DPY19L3: variants seen among roughly 807,000 people sequenced by gnomAD.
The protein encoded by DPY19L3 is protein C-mannosyl-transferase DPY19L3.
A neutral mutation model predicts 92.3 loss-of-function variants in DPY19L3; 51 were observed. The ratio of observed to expected loss-of-function variants is 0.55; its 90% CI spans 0.44 to 0.70. The LOEUF (loss-of-function observed/expected upper bound fraction) is 0.70, where lower values mean the gene tolerates loss of function less well. Ranked by LOEUF, DPY19L3 falls within the 30% of genes least tolerant of loss-of-function variation. DPY19L3 has a pLI of 0.00. For synonymous variants in DPY19L3, 309 were observed against 315.2 expected (o/e 0.98, Z 0.21); for missense variants, 706 against 855.9 (o/e 0.82, Z 2.18).
chr19:32,468,789 C>A lies in DPY19L3; in HGVS notation c.1673C>A (p.Thr558Lys), dbSNP rs1260828116. The change falls in exon 16 of 19, where the codon ACA (threonine) becomes AAA (lysine). Residue 558 changes from threonine (T) to lysine (K), a missense_variant. Transcript: ENST00000392250. The stretch of plus-strand genomic sequence containing the variant: ...TTGAGAGAATTCTATGATCCAGATA[C>A]AGTGGAGCTGATGAACTGGATTAAG... ...SELREFYDPD[T>K]VELMNWINSN... 2 of 1,613,624 alleles carry A rather than the reference C, an allele frequency of 1.2e-6. No individual in the cohort carries two copies. The highest frequency in any genetic ancestry group is 1.3e-5 in the African/African-American group (1 of 74,890).
At chr19:32,432,278 A>C (rs1968994328) in intron 3 of DPY19L3, among the ~76,000 whole-genome samples, 1 of 152,208 alleles carries the variant, frequency 6.6e-6, no homozygotes, top group African/African-American at 2.4e-5. Flanking sequence ...TACGCTTGTC[A>C]GAGTAAAATT....
intron 4 of DPY19L3, among the ~76,000 whole-genome samples, chr19:32,434,542 C>A (rs1041430452): frequency 1.3e-5 from 2 of 152,190 alleles, no homozygotes; most frequent in Non-Finnish European, 2.9e-5. Flanking sequence ...GCCTGTAATT[C>A]CAGCTACTCC....
intron 16 of DPY19L3, among the ~76,000 whole-genome samples, chr19:32,472,352 A>G (rs1489210260): frequency 6.6e-6 from 1 of 152,130 alleles, no homozygotes; most frequent in Non-Finnish European, 1.5e-5. Context: ...GCCTTCCCTA[A>G]GAGCTGGGAG....
chr19:32,407,006 T>G (rs1307792220), intron 1 of DPY19L3, among the ~76,000 whole-genome samples: 2 of 142,210 alleles, frequency 1.4e-5, no homozygotes, highest in African/African-American at 5.1e-5. Flanking sequence ...TTCCTGCTTT[T>G]TTTTTTTTTT....
At chr19:32,441,494 C>CTTTTTTT (rs11326098) in intron 8 of DPY19L3, among the ~76,000 whole-genome samples, 4 of 130,214 alleles carry the variant, frequency 3.1e-5, no homozygotes, top group Non-Finnish European at 4.8e-5. Flanking sequence ...ACATGTGTCT[C>CTTTTTTT]TTTTTTTTTT....
Position 32,432,697 on chromosome 19 carries a change from G to T in DPY19L3, c.238-19G>T, listed in dbSNP as rs1969008780. The T allele has an allele frequency of 1.2e-6, 2 of 1,609,436 alleles. No homozygotes were observed. The highest frequency in any genetic ancestry group is 1.7e-6 in the Non-Finnish European group (2 of 1,176,464). On this transcript the variant is annotated intron_variant, in intron 3 of 18. Coordinates refer to ENST00000392250, the MANE Select transcript of DPY19L3 (RefSeq NM_001172774.2). The stretch of plus-strand genomic sequence containing the variant: ...CAAAACTAGGTCACATAAACCCATA[G>T]GATCTAACTCTGTTTTAGGAAGTGG...
At position 32,463,872 on chromosome 19, in the gene DPY19L3, G is replaced by A; in HGVS notation, c.1449G>A (p.Met483Ile). Residue 483 changes from methionine (M) to isoleucine (I), a missense_variant, in exon 14 of 19, where the codon ATG becomes ATA. Coordinates refer to ENST00000392250, the MANE Select transcript of DPY19L3 (RefSeq NM_001172774.2). The stretch of plus-strand genomic sequence containing the variant: ...GCGCCTGTGTCTGTTCTTGCAGAAT[G>A]AAGTACCTCTGGACGTCACACATGT... The part of the protein sequence containing the change: ...FGFLALSTMR[M>I]KYLWTSHMCV... 1 of 1,612,576 alleles carries A rather than the reference G, an allele frequency of 6.2e-7. No individual in the cohort carries two copies. Among genetic ancestry groups the A allele is most frequent in the South Asian group, 1.1e-5 (1 of 90,944 alleles).
intron 1 of DPY19L3, 147 bp from the exon 2 acceptor site, chr19:32,408,070 G>GAGAC (rs1968041136): frequency 3.5e-6 from 2 of 577,956 alleles, no homozygotes; most frequent in Non-Finnish European, 6.1e-6. Flanking sequence ...GAGTGACAGT[G>GAGAC]AGACCCTGTC....
chr19:32,473,602 G>A (rs886933001), intron 16 of DPY19L3, among the ~76,000 whole-genome samples: 8 of 152,148 alleles, frequency 5.3e-5, no homozygotes, highest in African/African-American at 1.9e-4. Flanking sequence ...GTGATTGTTT[G>A]TTTCTCATTT....
At chr19:32,466,580 G>A (rs1287644501) in intron 15 of DPY19L3, among the ~76,000 whole-genome samples, 1 of 152,212 alleles carries the variant, frequency 6.6e-6, no homozygotes, top group African/African-American at 2.4e-5. Context: ...CAAATGCCCT[G>A]GGGCTGGGGC....
At chr19:32,425,864 A>G (rs971333915) in intron 3 of DPY19L3, among the ~76,000 whole-genome samples, 2 of 152,184 alleles carry the variant, frequency 1.3e-5, no homozygotes, top group African/African-American at 4.8e-5. Flanking sequence ...TGGTAAGTGA[A>G]CATTGGCTTC....
intron 4 of DPY19L3, 113 bp from the exon 5 acceptor site, chr19:32,436,333 C>T (rs914718933): frequency 1.4e-6 from 1 of 714,786 alleles, no homozygotes; most frequent in Non-Finnish European, 2.0e-6. Context: ...ACTCTTATAT[C>T]CCCAATGCCT....
At chr19:32,420,617 C>A (rs762410990) in intron 3 of DPY19L3, among the ~76,000 whole-genome samples, 10 of 151,860 alleles carry the variant, frequency 6.6e-5, no homozygotes, top group Non-Finnish European at 1.3e-4. Flanking sequence ...GCCCAGCTAA[C>A]TTTTGTATTT....
intron 2 of DPY19L3, among the ~76,000 whole-genome samples, chr19:32,409,378 T>G (rs1024384316): frequency 6.6e-5 from 10 of 152,234 alleles, no homozygotes; most frequent in African/African-American, 2.4e-4. Context: ...TAACGTATTT[T>G]TGAAATATCA....
intron 3 of DPY19L3, among the ~76,000 whole-genome samples, chr19:32,419,788 G>T (rs1381608270): frequency 6.6e-6 from 1 of 150,574 alleles, no homozygotes. Context: ...ACTCTAAATT[G>T]TCCTTTCAAT....
chr19:32,413,007 T>C (rs941224093), intron 3 of DPY19L3: 15 of 152,172 alleles, frequency 9.9e-5, no homozygotes, highest in African/African-American at 3.1e-4. Context: ...CTCTCTCTCT[T>C]TTTCAACATT....
At chr19:32,430,791 CTT>C (rs11296711) in intron 3 of DPY19L3, among the ~76,000 whole-genome samples, 81 of 125,770 alleles carry the variant, frequency 6.4e-4, no homozygotes, top group East Asian at 1.4e-3. Flanking sequence ...TGCCTGGCTA[CTT>C]TTTTTTTTTT....
intron 2 of DPY19L3, 109 bp downstream of exon 2, chr19:32,408,465 G>C: frequency 1.4e-6 from 1 of 692,896 alleles, no homozygotes; most frequent in Non-Finnish European, 2.5e-6. Flanking sequence ...ATTGAAACTT[G>C]TTGTAGTACC....
intron 17 of DPY19L3, among the ~76,000 whole-genome samples, chr19:32,478,258 C>T (rs1406050040): frequency 6.6e-6 from 1 of 152,174 alleles, no homozygotes; most frequent in Admixed American, 6.5e-5. Flanking sequence ...TGCCCATATC[C>T]ACTAAGGACG....
Sources: allele counts gnomAD v4.1 joint callset (sites outside exome capture counted in the v4.1 genomes callset), GRCh38; gene constraint gnomAD v4.1.1; transcripts MANE v1.5; gene names NCBI Gene and HGNC (gene_info 2026-07-23, HGNC 2026-07-21).